TRIP6: variants seen among roughly 807,000 people sequenced by gnomAD.
TRIP6 encodes the protein thyroid receptor-interacting protein 6.
Under a neutral mutation model 51.9 loss-of-function variants are expected in TRIP6, and 33 were observed. The ratio of observed to expected loss-of-function variants is 0.64; its 90% CI spans 0.48 to 0.85. The LOEUF (loss-of-function observed/expected upper bound fraction) is 0.85. TRIP6 is among the 40% of genes least tolerant of loss of function. The pLI, the probability that TRIP6 is intolerant of heterozygous loss-of-function variation, is 0.00. For missense variants in TRIP6, 661 were observed against 652.1 expected (o/e 1.01, Z -0.15); for synonymous variants, 255 against 275.8 (o/e 0.92, Z 0.75).
In TRIP6 at chr7:100,867,703, C is replaced by T; in HGVS notation, c.109+97C>T. On this transcript the variant is annotated intron_variant, in intron 1 of 8. Transcript: ENST00000200457. This position sits in a 1 kb window ranked among gnomAD's most constrained non-coding sequence, Gnocchi z 5.4. ...CCCGCCCTGGCTGCTTCCTCCTGCCCCTTCCCCAAGCCGAGGCGGGGGGAA... is the reference window on the plus strand; with the variant it reads ...CCCGCCCTGGCTGCTTCCTCCTGCCTCTTCCCCAAGCCGAGGCGGGGGGAA... The T allele has an allele frequency of 6.5e-7, 1 of 1,532,680 alleles. No homozygotes were observed. The highest frequency in any genetic ancestry group is 8.8e-7 in the Non-Finnish European group (1 of 1,134,194). The allele number at this position is 1,532,680 out of a possible 1,614,324, so 94.9% of individuals were successfully genotyped here.
In TRIP6 at chr7:100,868,186, G is replaced by A. The variant is rs766152207; in HGVS notation, c.316G>A (p.Glu106Lys). Reference sequence around the variant, plus strand: ...AGACTTGCTGAGCAGCACGCTGGCCGAGCTGAATGGGGGTCGGGGTCATGC... The same window carrying A: ...AGACTTGCTGAGCAGCACGCTGGCCAAGCTGAATGGGGGTCGGGGTCATGC... ...EIDLLSSTLAELNGGRGHASR... is the reference protein window; with the variant it reads ...EIDLLSSTLAKLNGGRGHASR... The change falls in exon 3 of 9, where the codon GAG (glutamate) becomes AAG (lysine). Residue 106 changes from glutamate to lysine, a missense_variant. Transcript: ENST00000200457. 2.0e-5 allele frequency: 32 copies of A among 1,609,072 alleles called. No individual in the cohort carries two copies. Among genetic ancestry groups the A allele is most frequent in the Non-Finnish European group, 2.6e-5 (31 of 1,177,992 alleles).
At chr7:100,871,792 G>A (rs1397560980) in intron 7 of TRIP6, 71 bp downstream of exon 7, 1 of 1,544,936 alleles carries the variant, frequency 6.5e-7, no homozygotes, top group Non-Finnish European at 8.8e-7. Flanking sequence ...TCATGCCCCA[G>A]GACTGTCTCT....
rs766205263 is a variant in TRIP6 at position 100,868,603 on chromosome 7, A to G, written c.472A>G (p.Thr158Ala). ...PYGGPTPASYTTASTPAGPAF... is the reference protein window; with the variant it reads ...PYGGPTPASYATASTPAGPAF... ...TGGGGGCCCCACTCCAGCCTCTTAC[A>G]CTACCGCCAGCACCCCGGCTGGCCC... The change falls in exon 4 of 9, where the codon ACT (threonine) becomes GCT (alanine). Residue 158 changes from threonine (T) to alanine (A), a missense_variant. By Grantham distance (58) the Thr-to-Ala change is moderately conservative. Coordinates refer to ENST00000200457, the MANE Select transcript of TRIP6 (RefSeq NM_003302.3). The G allele has an allele frequency of 8.1e-6, 13 of 1,612,810 alleles. No individual in the cohort carries two copies. Among genetic ancestry groups the G allele is most frequent in the African/African-American group, 1.3e-5 (1 of 75,008 alleles).
chr7:100,867,821 C>T lies in TRIP6; in HGVS notation c.110-40C>T. The T allele has an allele frequency of 6.5e-7, 1 of 1,531,848 alleles. No homozygotes were observed. Among genetic ancestry groups the T allele is most frequent in the Non-Finnish European group, 8.7e-7 (1 of 1,148,152 alleles). 94.9% of individuals were successfully genotyped at this position (1,531,848 alleles called of 1,614,324 possible). ...TCCTCAAATATACACCCCTCCTGTC[C>T]TCCGCCACCCCACCTTTGATTTCTC... On this transcript the variant is annotated intron_variant, in intron 1 of 8. Coordinates refer to ENST00000200457, the MANE Select transcript of TRIP6 (RefSeq NM_003302.3). This position sits in a 1 kb window ranked among gnomAD's most constrained non-coding sequence, Gnocchi z 5.4.
chr7:100,872,013 GTT>G (rs71517130), intron 7 of TRIP6, among the ~76,000 whole-genome samples: 12 of 115,228 alleles, frequency 1.0e-4, no homozygotes, highest in African/African-American at 2.6e-4. Context: ...AGTTTTCTTC[GTT>G]TTTTTTTTTT....
At position 100,868,487 on chromosome 7, in the gene TRIP6, CT is replaced by C; in HGVS notation, c.364-7del. 1 of 1,613,082 alleles carries C rather than the reference CT, an allele frequency of 6.2e-7. No individual in the cohort carries two copies. The highest frequency in any genetic ancestry group is 8.5e-7 in the Non-Finnish European group (1 of 1,180,002). ...TGCTTACGACTTCTGGCCTGCGTTT[CT>C]CCTCAGGCATATGAGCCCCCGCCAC... On this transcript the variant is annotated splice_polypyrimidine_tract_variant and splice_region_variant and intron_variant, in intron 3 of 8. Transcript: ENST00000200457.
intron 3 of TRIP6, 94 bp from the exon 4 acceptor site, chr7:100,868,401 A>C (rs1815193045): frequency 1.3e-6 from 2 of 1,595,544 alleles, no homozygotes; most frequent in African/African-American, 1.3e-5. Flanking sequence ...AAATGCAAAA[A>C]GCCTGTGCTT....
Position 100,867,951 on chromosome 7 carries a change from C to T in TRIP6, c.200C>T (p.Ala67Val), listed in dbSNP as rs377293589. Reference sequence around the variant, plus strand: ...GGGGGACCGGAGGATCGGGGGCCGGCGTGGGTGGGGTCCCATGGAGTACTC... The same window carrying T: ...GGGGGACCGGAGGATCGGGGGCCGGTGTGGGTGGGGTCCCATGGAGTACTC... ...APGGPEDRGP[A>V]WVGSHGVLQH... Residue 67 changes from alanine to valine, a missense_variant, in exon 2 of 9, where the codon GCG becomes GTG. Transcript: ENST00000200457. This position sits in a 1 kb window ranked among gnomAD's most constrained non-coding sequence, Gnocchi z 5.4. 4.0e-6 allele frequency: 6 copies of T among 1,513,628 alleles called. No individual in the cohort carries two copies. The highest frequency in any genetic ancestry group is 2.8e-5 in the African/African-American group (2 of 71,016). 93.8% of individuals were successfully genotyped at this position (1,513,628 alleles called of 1,614,324 possible). A position where few individuals can be genotyped will look rare whatever the true frequency, so the allele number is the denominator to read the frequency against.
intron 3 of TRIP6, 58 bp downstream of exon 3, chr7:100,868,291 C>T (rs772426429): frequency 8.4e-5 from 133 of 1,579,402 alleles, no homozygotes; most frequent in Admixed American, 8.0e-4. Context: ...CTCTCAGACC[C>T]AGCCTGATCG....
chr7:100,872,547 C>A, intron 7 of TRIP6, 77 bp from the exon 8 acceptor site: 1 of 1,586,978 alleles, frequency 6.3e-7, no homozygotes, highest in Non-Finnish European at 8.6e-7. Context: ...CTCCTGTGCC[C>A]CACCTTCTCT....
intron 4 of TRIP6, 127 bp from the exon 5 acceptor site, chr7:100,870,243 T>C: frequency 1.1e-6 from 1 of 876,154 alleles, no homozygotes; most frequent in Non-Finnish European, 1.8e-6. Flanking sequence ...GATGAAGCTT[T>C]GCTTGCCCAT....
chr7:100,873,288 C>T lies in TRIP6; in HGVS notation c.1416C>T (p.Val472=), dbSNP rs906328135. 1 of 1,610,320 alleles carries T rather than the reference C, an allele frequency of 6.2e-7. No homozygotes were observed. The highest frequency in any genetic ancestry group is 1.3e-5 in the African/African-American group (1 of 75,016). ...AWRIQELSAT[V]TTDC Reference sequence around the variant, plus strand: ...GCATCCAGGAGCTCTCAGCCACCGTCACCACTGACTGCTGAGTCTTCCTAG... The same window carrying T: ...GCATCCAGGAGCTCTCAGCCACCGTTACCACTGACTGCTGAGTCTTCCTAG... The change falls in exon 9 of 9, where the codon GTC becomes GTT. Residue 472 remains valine (V), a synonymous_variant. Transcript: ENST00000200457.
At chr7:100,870,814 A>T in intron 6 of TRIP6, 71 bp downstream of exon 6, 1 of 1,532,388 alleles carries the variant, frequency 6.5e-7, no homozygotes, top group Non-Finnish European at 8.8e-7. Context: ...GGTGGTAACT[A>T]GAGCGTCCAA....
Position 100,870,756 on chromosome 7 carries a change from G to T in TRIP6, c.999+13G>T, listed in dbSNP as rs1410830230. The T allele has an allele frequency of 6.2e-7, 1 of 1,605,042 alleles. No homozygotes were observed. Among genetic ancestry groups the T allele is most frequent in the Non-Finnish European group, 8.5e-7 (1 of 1,173,442 alleles). On this transcript the variant is annotated intron_variant, in intron 6 of 8. Coordinates refer to ENST00000200457, the MANE Select transcript of TRIP6 (RefSeq NM_003302.3). Reference sequence around the variant, plus strand: ...GGGCTGCTACGTGGTGAGTGGCTGGGGCTGGGAGGAGGGAGTCAGTGGCTG... The same window carrying T: ...GGGCTGCTACGTGGTGAGTGGCTGGTGCTGGGAGGAGGGAGTCAGTGGCTG...
rs1359162453 is a variant in TRIP6 at position 100,867,989 on chromosome 7, G to A, written c.237+1G>A. 1 of 1,515,574 alleles carries A rather than the reference G, an allele frequency of 6.6e-7. No individual in the cohort carries two copies. The highest frequency in any genetic ancestry group is 2.3e-5 in the East Asian group (1 of 43,024). The allele number at this position is 1,515,574 out of a possible 1,614,324, so 93.9% of individuals were successfully genotyped here. On this transcript the variant is annotated splice_donor_variant, in intron 2 of 8. Coordinates refer to ENST00000200457, the MANE Select transcript of TRIP6 (RefSeq NM_003302.3). LOFTEE classifies it high-confidence loss of function. The surrounding 1 kb of genome is among the most constrained non-coding windows in gnomAD (Gnocchi z 5.4). ...CCATGGAGTACTCCAGCACACGCAG[G>A]TGAGACCCGGGATCGTGGGGTGGGA...
Position 100,868,177 on chromosome 7 carries a change from A to G in TRIP6, c.307A>G (p.Thr103Ala). The G allele has an allele frequency of 6.2e-7, 1 of 1,609,996 alleles. No homozygotes were observed. The highest frequency in any genetic ancestry group is 8.5e-7 in the Non-Finnish European group (1 of 1,178,464). The change falls in exon 3 of 9, where the codon ACG (threonine) becomes GCG (alanine). Residue 103 changes from threonine (T) to alanine (A), a missense_variant. Coordinates refer to ENST00000200457, the MANE Select transcript of TRIP6 (RefSeq NM_003302.3). ...LDAEIDLLSSTLAELNGGRGH... is the reference protein window; with the variant it reads ...LDAEIDLLSSALAELNGGRGH... Reference sequence around the variant, plus strand: ...CGCCGAGATAGACTTGCTGAGCAGCACGCTGGCCGAGCTGAATGGGGGTCG... The same window carrying G: ...CGCCGAGATAGACTTGCTGAGCAGCGCGCTGGCCGAGCTGAATGGGGGTCG...
At chr7:100,869,197 A>T (rs1421355021) in intron 4 of TRIP6, among the ~76,000 whole-genome samples, 2 of 150,994 alleles carry the variant, frequency 1.3e-5, no homozygotes, top group South Asian at 4.3e-4. Context: ...ACCTCAGGTG[A>T]TCCGCCTGCC....
At position 100,871,614 on chromosome 7, in the gene TRIP6, C is replaced by T. The variant is rs750517628; in HGVS notation, c.1071C>T (p.Ala357=). Residue 357 remains alanine (A), a synonymous_variant, in exon 7 of 9, where the codon GCC becomes GCT. Coordinates refer to ENST00000200457, the MANE Select transcript of TRIP6 (RefSeq NM_003302.3). ...GGATCCTGCGGGCTATGGGGAAGGC[C>T]TACCACCCTGGCTGCTTCACCTGCG... ...LDRILRAMGK[A]YHPGCFTCVV... 12 of 1,614,132 alleles carry T rather than the reference C, an allele frequency of 7.4e-6. No homozygotes were observed. The Admixed American group carries it at 1.7e-4, about 22-fold the overall frequency.
At chr7:100,870,889 C>T (rs573021755) in intron 6 of TRIP6, 146 bp downstream of exon 6, 1 of 1,141,544 alleles carries the variant, frequency 8.8e-7, no homozygotes, top group African/African-American at 1.5e-5. Context: ...GGGCGGAATT[C>T]TGCAAGTATC....
Sources: gnomAD v4.1 joint callset for allele counts (sites outside exome capture counted in the v4.1 genomes callset) on GRCh38, gnomAD v4.1.1 for gene constraint, Gnocchi (gnomAD v3.1) non-coding constraint, MANE v1.5 for transcripts, NCBI Gene and HGNC (gene_info 2026-07-23, HGNC 2026-07-21) for gene names.